The following OLA1 variants were observed in gnomAD, a reference collection of about 807,000 sequenced individuals.
The protein encoded by OLA1 is obg-like ATPase 1.
In OLA1, 14 loss-of-function variants were observed where a neutral mutation model predicts 48.4. The ratio of observed to expected loss-of-function variants is 0.29; its 90% CI spans 0.19 to 0.45. The LOEUF is 0.45. OLA1 is among the 20% of genes least tolerant of loss of function. OLA1 has a pLI of 1.00. For missense variants in OLA1, 325 were observed against 467.1 expected (o/e 0.70, Z 2.80); for synonymous variants, 127 against 150.4 (o/e 0.84, Z 1.14).
chr2:174,194,908 G>A (rs1350322984), intron 4 of OLA1, among the ~76,000 whole-genome samples: 1 of 151,970 alleles, frequency 6.6e-6, no homozygotes, highest in African/African-American at 2.4e-5. Flanking sequence ...TCTTGGTTAG[G>A]AGTTTTTATC....
chr2:174,104,162 A>AC (rs1685460577), intron 7 of OLA1, among the ~76,000 whole-genome samples: 1 of 151,772 alleles, frequency 6.6e-6, no homozygotes, highest in South Asian at 2.1e-4. Flanking sequence ...TTAAAAAAAA[A>AC]AACACAACAC....
At chr2:174,160,762 A>G (rs552899093) in intron 4 of OLA1, among the ~76,000 whole-genome samples, 1 of 152,276 alleles carries the variant, frequency 6.6e-6, no homozygotes, top group East Asian at 1.9e-4. Flanking sequence ...GTGGACATTT[A>G]TCTGCTTTTC....
intron 4 of OLA1, among the ~76,000 whole-genome samples, chr2:174,158,367 A>T (rs987416575): frequency 1.3e-5 from 2 of 152,128 alleles, no homozygotes; most frequent in South Asian, 4.2e-4. Context: ...GTTATGGTAC[A>T]GAAGGGGTGG....
chr2:174,201,845 CAACT>C (rs1687997567), intron 4 of OLA1, among the ~76,000 whole-genome samples: 1 of 151,870 alleles, frequency 6.6e-6, no homozygotes, highest in Non-Finnish European at 1.5e-5. Flanking sequence ...CTCCTTTTAC[CAACT>C]ATCAAGGGAT....
intron 4 of OLA1, among the ~76,000 whole-genome samples, chr2:174,196,481 AAT>A (rs1687880339): frequency 6.6e-6 from 1 of 152,184 alleles, no homozygotes; most frequent in East Asian, 1.9e-4. Flanking sequence ...CATTTTAAAT[AAT>A]AGTCAATAGC....
intron 7 of OLA1, among the ~76,000 whole-genome samples, chr2:174,095,839 C>G (rs1169913730): frequency 6.6e-6 from 1 of 151,940 alleles, no homozygotes; most frequent in Non-Finnish European, 1.5e-5. Context: ...GATAAAAAGA[C>G]AGAAATTAAG....
intron 3 of OLA1, among the ~76,000 whole-genome samples, chr2:174,226,385 C>T (rs985984216): frequency 1.3e-5 from 2 of 152,084 alleles, no homozygotes; most frequent in African/African-American, 4.8e-5. Flanking sequence ...GAATAAAATA[C>T]TACTTTAGAA....
chr2:174,149,686 T>G (rs1434230646), intron 4 of OLA1, among the ~76,000 whole-genome samples: 1 of 152,210 alleles, frequency 6.6e-6, no homozygotes, highest in Non-Finnish European at 1.5e-5. Context: ...CTGGACATTC[T>G]GCATGCTACT....
Position 174,152,033 on chromosome 2 carries a change from C to A in OLA1, c.374-10033G>T, listed in dbSNP as rs550152713. Among the ~76,000 whole-genome samples, 4 of 152,302 alleles carry A rather than the reference C, an allele frequency of 2.6e-5. No individual in the cohort carries two copies. The East Asian group carries it at 7.7e-4, about 29-fold the overall frequency. On this transcript the variant is annotated intron_variant, in intron 4 of 10. Transcript: ENST00000284719. ...AGCAATTTGAGCAATTTGAGCAAAA[C>A]CATAATCTAATTTAACCTAAAGCTT...
intron 2 of OLA1, among the ~76,000 whole-genome samples, chr2:174,237,240 G>C (rs1688877360): frequency 1.3e-5 from 2 of 149,676 alleles, no homozygotes; most frequent in African/African-American, 4.9e-5. Flanking sequence ...ATTAACCCAG[G>C]CCTACATGGA....
At chr2:174,230,114 G>A (rs568023974) in intron 2 of OLA1, among the ~76,000 whole-genome samples, 16 of 152,074 alleles carry the variant, frequency 1.1e-4, no homozygotes, top group African/African-American at 2.9e-4. Context: ...CAAGTAATAC[G>A]TGCTCAGAGA....
chr2:174,147,032 CAACT>C (rs1209474250), intron 4 of OLA1, among the ~76,000 whole-genome samples: 2 of 152,084 alleles, frequency 1.3e-5, no homozygotes, highest in Non-Finnish European at 2.9e-5. Flanking sequence ...GATGGTCAAC[CAACT>C]GACACCACAC....
At chr2:174,165,159 A>G (rs1687131887) in intron 4 of OLA1, among the ~76,000 whole-genome samples, 1 of 152,190 alleles carries the variant, frequency 6.6e-6, no homozygotes, top group Non-Finnish European at 1.5e-5. Context: ...GCCATTTTGA[A>G]CTGGAATTCT....
chr2:174,174,685 T>C (rs1216758915), intron 4 of OLA1, among the ~76,000 whole-genome samples: 1 of 152,012 alleles, frequency 6.6e-6, no homozygotes, highest in East Asian at 1.9e-4. Flanking sequence ...AAAAATTTAA[T>C]CGCCTTCATG....
rs556939701 is a variant in OLA1 at position 174,155,450 on chromosome 2, A to G, written c.374-13450T>C. Among the ~76,000 whole-genome samples, 8 of 152,360 alleles carry G rather than the reference A, an allele frequency of 5.3e-5. No homozygotes were observed. The East Asian group carries it at 1.5e-3, about 29-fold the overall frequency. Reference sequence around the variant, plus strand: ...GACATTTAGTGAGCATTTCAAAGAAACTAGTGCTAAGCATATCAATCACAA... The same window carrying G: ...GACATTTAGTGAGCATTTCAAAGAAGCTAGTGCTAAGCATATCAATCACAA... On this transcript the variant is annotated intron_variant, in intron 4 of 10. Transcript: ENST00000284719.
chr2:174,136,600 T>C (rs766158424), intron 5 of OLA1, among the ~76,000 whole-genome samples: 4 of 152,186 alleles, frequency 2.6e-5, no homozygotes, highest in Non-Finnish European at 4.4e-5. Flanking sequence ...GTCATCCATG[T>C]GGGTTTGGAA....
chr2:174,083,988 C>A (rs1684914838), intron 7 of OLA1, among the ~76,000 whole-genome samples: 1 of 152,142 alleles, frequency 6.6e-6, no homozygotes, highest in Admixed American at 6.5e-5. Flanking sequence ...GCCTTTCCTG[C>A]AGAGTTCTCA....
chr2:174,181,604 A>C (rs1225210792), intron 4 of OLA1, among the ~76,000 whole-genome samples: 2 of 152,040 alleles, frequency 1.3e-5, no homozygotes, highest in Non-Finnish European at 2.9e-5. Context: ...TTATGATCAG[A>C]GGGAAAGGTA....
intron 2 of OLA1, among the ~76,000 whole-genome samples, chr2:174,237,589 A>T (rs1688888649): frequency 1.3e-5 from 2 of 152,122 alleles, no homozygotes; most frequent in Non-Finnish European, 2.9e-5. Flanking sequence ...CTCTACAAAA[A>T]TATATCTTTT....
Sources: allele counts gnomAD v4.1 joint callset (sites outside exome capture counted in the v4.1 genomes callset), GRCh38; gene constraint gnomAD v4.1.1; transcripts MANE v1.5; gene names NCBI Gene and HGNC (gene_info 2026-07-23, HGNC 2026-07-21).